FSTL5: variants seen among roughly 807,000 people sequenced by gnomAD.
The protein encoded by FSTL5 is follistatin like 5, also known as follistatin-related protein 5.
In FSTL5, 62 loss-of-function variants were observed where a neutral mutation model predicts 89.1. The observed-to-expected ratio is 0.70, with a 90% CI of 0.57 to 0.86. The LOEUF is 0.86. Ranked by LOEUF, FSTL5 falls within the 40% of genes least tolerant of loss-of-function variation. FSTL5 has a pLI of 0.00. For synonymous variants in FSTL5, 383 were observed against 346.2 expected, an observed-to-expected ratio of 1.11 and a Z score of -1.18; for missense variants, 1,057 against 1,001.6, an observed-to-expected ratio of 1.06 and a Z score of -0.75.
intron 1 of FSTL5, among the ~76,000 whole-genome samples, chr4:162,139,964 C>CA (rs1732662826): frequency 6.6e-6 from 1 of 152,022 alleles, no homozygotes; most frequent in East Asian, 1.9e-4. Context: ...AAGAAATGGA[C>CA]AACAGACCTA....
chr4:161,737,476 A>G (rs536844405), intron 6 of FSTL5, among the ~76,000 whole-genome samples: 2 of 152,114 alleles, frequency 1.3e-5, no homozygotes, highest in East Asian at 1.9e-4. Context: ...CTTTAGATCA[A>G]CTATGCTACT....
chr4:162,051,324 G>T (rs1419639245), intron 2 of FSTL5, among the ~76,000 whole-genome samples: 1 of 151,264 alleles, frequency 6.6e-6, no homozygotes, highest in Admixed American at 6.6e-5. Context: ...AAATTAAATT[G>T]ATTAATGGAG....
rs1324035197 is a variant in FSTL5, at chr4:161,920,399, T to C, written c.409+5A>G. The C allele has an allele frequency of 1.9e-6, 3 of 1,613,242 alleles. No homozygotes were observed. The highest frequency in any genetic ancestry group is 2.5e-6 in the Non-Finnish European group (3 of 1,179,576). ...GGTGACACTTAAGGTTCACCCTTCA[T>C]TTACCTTTAAAGAAGCAGTCTTCAT... On this transcript the variant is annotated splice_donor_5th_base_variant and intron_variant, in intron 4 of 15. Coordinates refer to ENST00000306100, the MANE Select transcript of FSTL5 (RefSeq NM_020116.5).
intron 4 of FSTL5, among the ~76,000 whole-genome samples, chr4:161,786,048 A>C (rs1170855134): frequency 6.6e-6 from 1 of 152,080 alleles, no homozygotes; most frequent in East Asian, 1.9e-4. Flanking sequence ...CTCTTTGACC[A>C]AACAAGAGAT....
intron 2 of FSTL5, among the ~76,000 whole-genome samples, chr4:162,040,850 C>G (rs925016028): frequency 6.6e-6 from 1 of 151,850 alleles, no homozygotes; most frequent in Non-Finnish European, 1.5e-5. Flanking sequence ...AAAGTCACTA[C>G]TTCTAAGAAT....
chr4:161,654,539 T>C (rs1736450716), intron 7 of FSTL5, among the ~76,000 whole-genome samples: 1 of 152,088 alleles, frequency 6.6e-6, no homozygotes, highest in African/African-American at 2.4e-5. Context: ...TTAAGAAAAG[T>C]TTCCACATAT....
At chr4:161,509,203 T>G (rs1168328527) in intron 11 of FSTL5, among the ~76,000 whole-genome samples, 3 of 152,126 alleles carry the variant, frequency 2.0e-5, no homozygotes, top group African/African-American at 7.2e-5. Flanking sequence ...CTCGGGAGGC[T>G]AAGGCAGGAG....
chr4:161,710,026 C>T (rs780899191), intron 6 of FSTL5, among the ~76,000 whole-genome samples: 8 of 151,994 alleles, frequency 5.3e-5, no homozygotes, highest in South Asian at 4.2e-4. Context: ...TGGAGTGTAG[C>T]GGCGTGATCA....
chr4:161,526,768 G>A (rs1246091523), intron 10 of FSTL5, among the ~76,000 whole-genome samples: 4 of 152,076 alleles, frequency 2.6e-5, no homozygotes, highest in Admixed American at 6.6e-5. Flanking sequence ...GATATGCGGT[G>A]TTATTTCTGA....
chr4:161,698,066 T>A (rs941431491), intron 6 of FSTL5, among the ~76,000 whole-genome samples: 4 of 151,994 alleles, frequency 2.6e-5, no homozygotes, highest in African/African-American at 4.8e-5. Context: ...GGTAAGTGAT[T>A]AGGTCATAAG....
intron 6 of FSTL5, among the ~76,000 whole-genome samples, chr4:161,743,780 A>G (rs1447875188): frequency 1.3e-5 from 2 of 152,192 alleles, no homozygotes; most frequent in African/African-American, 4.8e-5. Context: ...ATATGAATAT[A>G]CTTTGGTTAT....
intron 15 of FSTL5, among the ~76,000 whole-genome samples, chr4:161,411,818 A>T (rs978138793): frequency 2.0e-5 from 3 of 152,180 alleles, no homozygotes; most frequent in African/African-American, 7.2e-5. Flanking sequence ...TTAACATAGT[A>T]CTAGAAGTCC....
intron 12 of FSTL5, among the ~76,000 whole-genome samples, chr4:161,491,620 C>A (rs962463719): frequency 6.6e-6 from 1 of 151,990 alleles, no homozygotes; most frequent in East Asian, 1.9e-4. Flanking sequence ...GTGGGCAAAT[C>A]ACCTGAGGTC....
intron 15 of FSTL5, among the ~76,000 whole-genome samples, chr4:161,440,789 T>A (rs1732733168): frequency 6.6e-6 from 1 of 152,146 alleles, no homozygotes; most frequent in African/African-American, 2.4e-5. Context: ...ATGCTGTTTT[T>A]CCTCAAAGTG....
intron 1 of FSTL5, among the ~76,000 whole-genome samples, chr4:162,155,119 A>G (rs1418696151): frequency 6.6e-6 from 1 of 152,150 alleles, no homozygotes; most frequent in Non-Finnish European, 1.5e-5. Flanking sequence ...TGACCAATAG[A>G]CCATGGCAAA....
chr4:162,023,481 A>C lies in FSTL5; in HGVS notation c.160+10144T>G, dbSNP rs551794785. 2.7e-4 allele frequency among the ~76,000 whole-genome samples: 41 copies of C among 152,234 alleles called. No individual in the cohort carries two copies. The South Asian group carries it at 6.2e-3, about 23-fold the overall frequency. On this transcript the variant is annotated intron_variant, in intron 3 of 15. Transcript: ENST00000306100. ...GTACCTCCTGGTTGTCACTGTCTGC[A>C]TCAGTCTTGCAGATGAATTTGCTTC...
At chr4:161,583,915 T>G (rs1245975722) in intron 8 of FSTL5, among the ~76,000 whole-genome samples, 1 of 152,194 alleles carries the variant, frequency 6.6e-6, no homozygotes, top group Non-Finnish European at 1.5e-5. Flanking sequence ...TGTGTCCTTA[T>G]CTCACACTTA....
chr4:161,658,201 C>T (rs1378168875), intron 6 of FSTL5, among the ~76,000 whole-genome samples: 1 of 152,070 alleles, frequency 6.6e-6, no homozygotes. Flanking sequence ...CACGGTGGCT[C>T]ACGCCTGTAA....
intron 15 of FSTL5, among the ~76,000 whole-genome samples, chr4:161,431,256 A>T (rs898647195): frequency 6.6e-6 from 1 of 152,192 alleles, no homozygotes; most frequent in South Asian, 2.1e-4. Context: ...TTTTCAAGAC[A>T]TAGTACAATG....
Sources: gnomAD v4.1 joint callset for allele counts (sites outside exome capture counted in the v4.1 genomes callset) on GRCh38, gnomAD v4.1.1 for gene constraint, MANE v1.5 for transcripts, NCBI Gene and HGNC (gene_info 2026-07-23, HGNC 2026-07-21) for gene names.